PLAAT5: variants seen among roughly 807,000 people sequenced by gnomAD.
PLAAT5 encodes Ca(2+)-independent N-acyltransferase.
In PLAAT5, 27 loss-of-function variants were observed where a neutral mutation model predicts 27.8. The ratio of observed to expected loss-of-function variants is 0.97; its 90% confidence interval spans 0.72 to 1.34. The LOEUF is 1.34. Ranked by LOEUF, PLAAT5 falls within the 40% of genes most tolerant of loss-of-function variation. PLAAT5 has a pLI of 0.00. For missense variants in PLAAT5, 368 were observed against 343.8 expected, an observed-to-expected ratio of 1.07 and a Z score of -0.56; for synonymous variants, 125 against 136.1, an observed-to-expected ratio of 0.92 and a Z score of 0.57.
chr11:63,482,861 A>G (rs1242844030), intron 3 of PLAAT5, among the ~76,000 whole-genome samples: 1 of 152,184 alleles, frequency 6.6e-6, no homozygotes, highest in Non-Finnish European at 1.5e-5. Flanking sequence ...GCTGTCTCTA[A>G]GAGACTCACC....
chr11:63,475,317 T>C (rs1006024933), intron 3 of PLAAT5, among the ~76,000 whole-genome samples: 1 of 152,132 alleles, frequency 6.6e-6, no homozygotes, highest in African/African-American at 2.4e-5. Context: ...CTTCATACTT[T>C]TTGGGATTAT....
At chr11:63,478,644 T>A (rs1288142496) in intron 3 of PLAAT5, among the ~76,000 whole-genome samples, 1 of 152,248 alleles carries the variant, frequency 6.6e-6, no homozygotes, top group Non-Finnish European at 1.5e-5. Context: ...CCCTTCTCAA[T>A]CTGTTGTATG....
At position 63,483,647 on chromosome 11, in the gene PLAAT5, C is replaced by CAA. The variant is rs899244670; in HGVS notation, c.345+5222_345+5223dup. Among the ~76,000 whole-genome samples, 372 of 64,242 alleles carry CAA rather than the reference C, an allele frequency of 5.8e-3. 4 individuals are homozygous for CAA. The highest frequency in any genetic ancestry group is 8.3e-3 in the African/African-American group (153 of 18,394). The allele number at this position is 64,242 out of a possible 152,430, so 42.1% of individuals were successfully genotyped here. A position where few individuals can be genotyped will look rare whatever the true frequency, so the allele number is the denominator to read the frequency against. ...AGTTCATAGCATTAAATGCCTACAC[C>CAA]AAAAAAAAAAAAAAAAAAAAATCTA... On this transcript the variant is annotated intron_variant, in intron 3 of 5. Coordinates refer to ENST00000540857, the MANE Select transcript of PLAAT5 (RefSeq NM_001146729.2).
intron 3 of PLAAT5, among the ~76,000 whole-genome samples, chr11:63,477,397 T>G (rs527580422): frequency 6.6e-6 from 1 of 152,352 alleles, no homozygotes; most frequent in South Asian, 2.1e-4. Flanking sequence ...GTGACCCACC[T>G]GGACTGATTC....
At chr11:63,486,386 G>C (rs2016434358) in intron 3 of PLAAT5, among the ~76,000 whole-genome samples, 1 of 152,008 alleles carries the variant, frequency 6.6e-6, no homozygotes, top group Non-Finnish European at 1.5e-5. Context: ...CAGCCTAAAT[G>C]ACCATCAACC....
At chr11:63,476,359 C>T (rs1042738349) in intron 3 of PLAAT5, among the ~76,000 whole-genome samples, 2 of 151,900 alleles carry the variant, frequency 1.3e-5, no homozygotes, top group African/African-American at 4.8e-5. Flanking sequence ...TTCTTTCCAC[C>T]CAAAGAATTT....
intron 4 of PLAAT5, 22 bp from the exon 5 acceptor site, chr11:63,466,394 AG>A: frequency 6.2e-7 from 1 of 1,611,770 alleles, no homozygotes; most frequent in African/African-American, 1.3e-5. Flanking sequence ...AGACAAACAA[AG>A]GTTGGGAAAT....
chr11:63,466,948 G>T (rs59628575), intron 4 of PLAAT5, among the ~76,000 whole-genome samples: 2,818 of 152,184 alleles, frequency 0.019, 96 homozygotes, highest in African/African-American at 0.064. Context: ...TGAAAACAGG[G>T]TTCCACAGCT....
At chr11:63,485,833 C>T (rs535281644) in intron 3 of PLAAT5, among the ~76,000 whole-genome samples, 76 of 152,214 alleles carry the variant, frequency 5.0e-4, no homozygotes, top group East Asian at 9.6e-4. Flanking sequence ...GCAGAGTAAA[C>T]GGACAACCCA....
chr11:63,472,831 C>T (rs1053629512), intron 3 of PLAAT5, among the ~76,000 whole-genome samples: 11 of 151,990 alleles, frequency 7.2e-5, no homozygotes, highest in Non-Finnish European at 1.0e-4. Flanking sequence ...GGCCCAGGCG[C>T]GGTGGCTCAT....
chr11:63,468,027 C>T lies in PLAAT5; in HGVS notation c.454+330G>A, dbSNP rs571803419. On this transcript the variant is annotated intron_variant, in intron 4 of 5. Transcript: ENST00000540857. The stretch of plus-strand genomic sequence containing the variant: ...AGCATCTGCACCCTCCTTGGGGAAT[C>T]CTCAGAAAGATGAGGATAGATGCTC... Among the ~76,000 whole-genome samples, 4 of 152,306 alleles carry T rather than the reference C, an allele frequency of 2.6e-5. No homozygotes were observed. In the South Asian group the frequency reaches 8.3e-4, roughly 32 times the overall value.
rs1436735853 is a variant in PLAAT5, at chr11:63,490,960, G to A, written c.75C>T (p.Pro25=). 3.1e-6 allele frequency: 5 copies of A among 1,593,428 alleles called. No individual in the cohort carries two copies. The highest frequency in any genetic ancestry group is 1.1e-5 in the South Asian group (1 of 88,462). Residue 25 remains proline (P), a synonymous_variant, in exon 1 of 6, where the codon CCC becomes CCT. Coordinates refer to ENST00000540857, the MANE Select transcript of PLAAT5 (RefSeq NM_001146729.2). ...GCCCGGTACTGGCGGTTCGCGAGGCGGGTTTGGGGAGGGGTGGGGGAATCC... is the reference window on the plus strand; with the variant it reads ...GCCCGGTACTGGCGGTTCGCGAGGCAGGTTTGGGGAGGGGTGGGGGAATCC... ...LPRIPPPLPK[P]ASRTASTGPK... is the part of the protein sequence containing the mutation.
intron 1 of PLAAT5, 147 bp downstream of exon 1, chr11:63,490,740 A>C (rs2016544371): frequency 1.3e-6 from 1 of 761,070 alleles, no homozygotes; most frequent in African/African-American, 1.8e-5. Flanking sequence ...CTTTATAACA[A>C]GCGGTCGTTC....
intron 3 of PLAAT5, among the ~76,000 whole-genome samples, chr11:63,485,319 C>A (rs532356404): frequency 6.6e-6 from 1 of 152,190 alleles, no homozygotes; most frequent in African/African-American, 2.4e-5. Flanking sequence ...GCCCACATAG[C>A]CAAAGCAAGA....
At chr11:63,489,270 G>C (rs1443449575) in intron 2 of PLAAT5, among the ~76,000 whole-genome samples, 1 of 152,128 alleles carries the variant, frequency 6.6e-6, no homozygotes, top group Non-Finnish European at 1.5e-5. Context: ...ACTTGCACAT[G>C]GTTTCCAGTA....
chr11:63,483,405 T>C (rs1483478361), intron 3 of PLAAT5, among the ~76,000 whole-genome samples: 1 of 151,864 alleles, frequency 6.6e-6, no homozygotes, highest in Non-Finnish European at 1.5e-5. Flanking sequence ...ATATATCAAG[T>C]ACCCTCTCAG....
intron 3 of PLAAT5, among the ~76,000 whole-genome samples, chr11:63,473,197 G>T (rs944343853): frequency 1.2e-4 from 19 of 152,160 alleles, no homozygotes; most frequent in Non-Finnish European, 1.0e-4. Context: ...GTGCTTCACA[G>T]ATATTTCATT....
At chr11:63,465,240 C>T (rs1590603026) in intron 5 of PLAAT5, among the ~76,000 whole-genome samples, 1 of 151,992 alleles carries the variant, frequency 6.6e-6, no homozygotes, top group East Asian at 1.9e-4. Flanking sequence ...GATTGCACTA[C>T]TGCACTCCAA....
At chr11:63,475,068 C>G (rs1484850383) in intron 3 of PLAAT5, among the ~76,000 whole-genome samples, 8 of 151,990 alleles carry the variant, frequency 5.3e-5, no homozygotes, top group Admixed American at 5.2e-4. Flanking sequence ...GCTTTATGGC[C>G]TAGAAGAGGG....
Sources: gnomAD v4.1 joint callset for allele counts (sites outside exome capture counted in the v4.1 genomes callset) on GRCh38, gnomAD v4.1.1 for gene constraint, MANE v1.5 for transcripts, NCBI Gene and HGNC (gene_info 2026-07-23, HGNC 2026-07-21) for gene names.